Variants in CNTNAP5 observed in about 807,000 individuals in gnomAD.
CNTNAP5 encodes the protein contactin associated protein family member 5, also known as contactin-associated protein-like 5.
CNTNAP5 carries 72 observed loss-of-function variants against 150.2 expected under a neutral mutation model. The ratio of observed to expected loss-of-function variants is 0.48; its 90% CI spans 0.40 to 0.58. The LOEUF (loss-of-function observed/expected upper bound fraction) is 0.58, where lower values mean the gene tolerates loss of function less well. Among genes scored for constraint, CNTNAP5 ranks in the 20% least tolerant of loss-of-function variants. CNTNAP5 has a pLI of 0.00. For missense variants in CNTNAP5, 1,636 were observed against 1,626.2 expected, an observed-to-expected ratio of 1.01 and a Z score of -0.10; for synonymous variants, 672 against 619.8, an observed-to-expected ratio of 1.08 and a Z score of -1.25.
At chr2:124,391,880 C>T (rs1463800338) in intron 3 of CNTNAP5, among the ~76,000 whole-genome samples, 2 of 152,212 alleles carry the variant, frequency 1.3e-5, no homozygotes, top group East Asian at 1.9e-4. Context: ...GGAGTGAACT[C>T]GGGAAGCGGA....
intron 13 of CNTNAP5, among the ~76,000 whole-genome samples, chr2:124,708,737 C>A (rs911855843): frequency 3.9e-5 from 6 of 152,028 alleles, no homozygotes; most frequent in African/African-American, 1.4e-4. Flanking sequence ...TTTTTGGTGG[C>A]GGTGGATTCC....
At chr2:124,495,056 G>T (rs951733374) in intron 7 of CNTNAP5, among the ~76,000 whole-genome samples, 5 of 151,200 alleles carry the variant, frequency 3.3e-5, no homozygotes, top group African/African-American at 1.2e-4. Flanking sequence ...TATTTATATG[G>T]GTATATTTCA....
At chr2:124,160,448 T>C (rs1454187726) in intron 1 of CNTNAP5, among the ~76,000 whole-genome samples, 1 of 151,956 alleles carries the variant, frequency 6.6e-6, no homozygotes, top group African/African-American at 2.4e-5. Context: ...AGTCCCTCCT[T>C]CTCCCCAACA....
At chr2:124,363,668 A>G (rs1358777644) in intron 3 of CNTNAP5, among the ~76,000 whole-genome samples, 1 of 152,140 alleles carries the variant, frequency 6.6e-6, no homozygotes, top group African/African-American at 2.4e-5. Context: ...GTGCACTTAC[A>G]TTTTTGTTAA....
At chr2:124,441,714 C>T (rs1367314024) in intron 5 of CNTNAP5, among the ~76,000 whole-genome samples, 1 of 151,714 alleles carries the variant, frequency 6.6e-6, no homozygotes, top group Non-Finnish European at 1.5e-5. Context: ...AATTATTGGA[C>T]ATTATATCCA....
intron 3 of CNTNAP5, among the ~76,000 whole-genome samples, chr2:124,339,678 A>G (rs1016622377): frequency 1.3e-5 from 2 of 152,196 alleles, no homozygotes; most frequent in East Asian, 1.9e-4. Flanking sequence ...ATGACATTGT[A>G]TTAAAGAGTT....
intron 13 of CNTNAP5, among the ~76,000 whole-genome samples, chr2:124,726,422 T>C (rs1259272383): frequency 6.6e-6 from 1 of 152,230 alleles, no homozygotes; most frequent in Middle Eastern, 3.4e-3. Context: ...CTCTCCCCTG[T>C]CACCATGTAA....
At chr2:124,749,253 G>A (rs983318518) in intron 14 of CNTNAP5, among the ~76,000 whole-genome samples, 20 of 152,052 alleles carry the variant, frequency 1.3e-4, no homozygotes, top group African/African-American at 4.8e-4. Flanking sequence ...TAGACACTAT[G>A]TGTATAGTCA....
At chr2:124,164,563 T>A (rs926662491) in intron 1 of CNTNAP5, among the ~76,000 whole-genome samples, 1 of 152,166 alleles carries the variant, frequency 6.6e-6, no homozygotes, top group Non-Finnish European at 1.5e-5. Flanking sequence ...AGTAAGGTTT[T>A]GGAGAAGAAA....
intron 3 of CNTNAP5, among the ~76,000 whole-genome samples, chr2:124,316,543 C>T (rs186806084): frequency 7.2e-5 from 11 of 152,154 alleles, no homozygotes; most frequent in Admixed American, 7.2e-4. Flanking sequence ...CGGTGGCTCA[C>T]TCCTGTAATC....
chr2:124,612,241 A>C (rs571356451), intron 12 of CNTNAP5, among the ~76,000 whole-genome samples: 123 of 152,330 alleles, frequency 8.1e-4, no homozygotes, highest in African/African-American at 2.8e-3. Context: ...GAATTTCCTC[A>C]AGACATTTTA....
chr2:124,640,349 G>A (rs2105019001), intron 12 of CNTNAP5, among the ~76,000 whole-genome samples: 1 of 152,338 alleles, frequency 6.6e-6, no homozygotes, highest in Admixed American at 6.5e-5. Context: ...TTGTCTGGAA[G>A]TCGTAAAGTG....
chr2:124,027,863 A>C (rs1373480142), intron 1 of CNTNAP5, among the ~76,000 whole-genome samples: 1 of 152,216 alleles, frequency 6.6e-6, no homozygotes, highest in African/African-American at 2.4e-5. Context: ...GCAGAAAAAA[A>C]TTAGCTCTGA....
At chr2:124,338,230 T>C (rs1689525272) in intron 3 of CNTNAP5, among the ~76,000 whole-genome samples, 1 of 152,166 alleles carries the variant, frequency 6.6e-6, no homozygotes, top group South Asian at 2.1e-4. Flanking sequence ...TCCTGAGACT[T>C]TGCTGAAGTT....
chr2:124,556,864 AG>A (rs1269645705), intron 10 of CNTNAP5, among the ~76,000 whole-genome samples: 1 of 152,108 alleles, frequency 6.6e-6, no homozygotes, highest in Admixed American at 6.6e-5. Flanking sequence ...GAGATCAGAA[AG>A]TCAGGTTTGG....
intron 3 of CNTNAP5, among the ~76,000 whole-genome samples, chr2:124,326,474 GA>G (rs1166350360): frequency 6.6e-6 from 1 of 151,932 alleles, no homozygotes; most frequent in East Asian, 1.9e-4. Context: ...GCTTGACAGA[GA>G]AAAAAACAAA....
intron 1 of CNTNAP5, among the ~76,000 whole-genome samples, chr2:124,100,772 C>G (rs1426034377): frequency 1.4e-5 from 2 of 146,748 alleles, no homozygotes; most frequent in Non-Finnish European, 3.0e-5. Context: ...GGCTGAGGCA[C>G]TAGAATCATT....
chr2:124,147,108 T>C (rs1323366489), intron 1 of CNTNAP5, among the ~76,000 whole-genome samples: 1 of 152,196 alleles, frequency 6.6e-6, no homozygotes, highest in Non-Finnish European at 1.5e-5. Flanking sequence ...GATACAGAGC[T>C]TGGAGAAAGA....
At chr2:124,513,579 C>T (rs1009580765) in intron 8 of CNTNAP5, among the ~76,000 whole-genome samples, 10 of 152,182 alleles carry the variant, frequency 6.6e-5, no homozygotes, top group African/African-American at 2.4e-4. Flanking sequence ...TTGCCACACG[C>T]ATGAATACAC....
Sources: allele counts gnomAD v4.1 joint callset (sites outside exome capture counted in the v4.1 genomes callset), GRCh38; gene constraint gnomAD v4.1.1; transcripts MANE v1.5; gene names NCBI Gene and HGNC (gene_info 2026-07-23, HGNC 2026-07-21).